MSL2: variants seen among roughly 807,000 people sequenced by gnomAD.
The protein encoded by MSL2 is MSL complex subunit 2, also known as E3 ubiquitin-protein ligase MSL2.
In MSL2, 2 loss-of-function variants were observed where a neutral mutation model predicts 35.8. The ratio of observed to expected loss-of-function variants is 0.06; its 90% CI spans 0.02 to 0.18. MSL2 has a LOEUF of 0.18. Among genes scored for constraint, MSL2 ranks in the 10% least tolerant of loss-of-function variants. The pLI, the probability that MSL2 is intolerant of heterozygous loss-of-function variation, is 1.00. For missense variants in MSL2, 523 were observed against 706.7 expected, an observed-to-expected ratio of 0.74 and a Z score of 2.95; for synonymous variants, 296 against 255.7, an observed-to-expected ratio of 1.16 and a Z score of -1.50.
intron 1 of MSL2, among the ~76,000 whole-genome samples, chr3:136,162,263 A>G (rs901719432): frequency 2.7e-4 from 40 of 149,154 alleles, no homozygotes; most frequent in African/African-American, 8.9e-4. Flanking sequence ...AAGATAAACC[A>G]TAAGGTTTTT....
At chr3:136,174,049 A>G (rs750481719) in intron 1 of MSL2, among the ~76,000 whole-genome samples, 4 of 152,154 alleles carry the variant, frequency 2.6e-5, no homozygotes, top group Non-Finnish European at 4.4e-5. Context: ...AACCTCCCTC[A>G]ATCTGTTGAA....
chr3:136,178,410 C>T (rs570033154), intron 1 of MSL2, among the ~76,000 whole-genome samples: 1 of 152,048 alleles, frequency 6.6e-6, no homozygotes. Flanking sequence ...TGGTGTTGCA[C>T]GGAACCAGGT....
chr3:136,187,080 C>A (rs1940546294), intron 1 of MSL2, among the ~76,000 whole-genome samples: 1 of 152,186 alleles, frequency 6.6e-6, no homozygotes, highest in South Asian at 2.1e-4. Context: ...AAATGCAGAA[C>A]CCACAGATAC....
chr3:136,152,911 T>C (rs554381086), intron 1 of MSL2, 173 bp from the exon 2 acceptor site: 2 of 985,462 alleles, frequency 2.0e-6, no homozygotes, highest in East Asian at 1.1e-4. Context: ...ATTAGCTCGC[T>C]TGATTTCATG....
At chr3:136,171,128 A>C (rs1046372943) in intron 1 of MSL2, among the ~76,000 whole-genome samples, 1 of 152,228 alleles carries the variant, frequency 6.6e-6, no homozygotes, top group Non-Finnish European at 1.5e-5. Flanking sequence ...TGAGAAAATG[A>C]GACATGTTAA....
At chr3:136,168,262 A>C (rs1174803472) in intron 1 of MSL2, among the ~76,000 whole-genome samples, 1 of 152,228 alleles carries the variant, frequency 6.6e-6, no homozygotes, top group Non-Finnish European at 1.5e-5. Flanking sequence ...AAAGAATTAA[A>C]AATGACAAAA....
chr3:136,178,572 G>GC (rs1340370037), intron 1 of MSL2, among the ~76,000 whole-genome samples: 2 of 141,832 alleles, frequency 1.4e-5, no homozygotes, highest in African/African-American at 5.3e-5. Context: ...TCACTCTGTC[G>GC]CCCAGGCTGG....
chr3:136,195,994 C>G lies in MSL2; in HGVS notation c.-881G>C, dbSNP rs964749572. The G allele has an allele frequency of 8.1e-5, 16 of 196,800 alleles. No homozygotes were observed. Among genetic ancestry groups the G allele is most frequent in the Non-Finnish European group, 1.3e-4 (14 of 109,168 alleles). The allele number at this position is 196,800 out of a possible 1,614,324, so 12.2% of individuals were successfully genotyped here. ...CCGGCCATTTTTTCGGCGCCACACA[C>G]ACAGACGACTCCTCCGCCGAGCACG... On this transcript the variant is annotated 5_prime_UTR_variant, in exon 1 of 2. Coordinates refer to ENST00000309993, the MANE Select transcript of MSL2 (RefSeq NM_018133.4).
chr3:136,152,150 G>A lies in MSL2; in HGVS notation c.731C>T (p.Thr244Ile). ...SLPPVCDTVA[T>I]DLCSTGIDIC... ...ATCAATGCCTGTGGAACATAAGTCA[G>A]TGGCTACTGTGTCACAAACGGGTGG... Residue 244 changes from threonine to isoleucine, a missense_variant, in exon 2 of 2, where the codon ACT (threonine) becomes ATT (isoleucine). Thr to Ile is a moderately conservative substitution (Grantham distance 89). Around this residue, in one of 5 missense-constraint regions of MSL2, gnomAD observed 361 missense variants for 414.6 expected, o/e 0.87. Transcript: ENST00000309993. The A allele has an allele frequency of 6.2e-7, 1 of 1,614,192 alleles. No individual in the cohort carries two copies. The highest frequency in any genetic ancestry group is 8.5e-7 in the Non-Finnish European group (1 of 1,180,030).
intron 1 of MSL2, among the ~76,000 whole-genome samples, chr3:136,192,436 C>T (rs957321790): frequency 1.3e-5 from 2 of 152,150 alleles, no homozygotes; most frequent in African/African-American, 4.8e-5. Context: ...ACCTTGGCCT[C>T]CCAAAGTGCT....
At chr3:136,172,783 A>G (rs966666711) in intron 1 of MSL2, among the ~76,000 whole-genome samples, 2 of 152,208 alleles carry the variant, frequency 1.3e-5, no homozygotes, top group African/African-American at 4.8e-5. Flanking sequence ...TAATAAAAAA[A>G]AAAGTACAAA....
chr3:136,165,067 G>GT (rs1939806550), intron 1 of MSL2, among the ~76,000 whole-genome samples: 1 of 151,996 alleles, frequency 6.6e-6, no homozygotes, highest in Admixed American at 6.6e-5. Context: ...TAGAGACGGG[G>GT]TTTCACCATG....
chr3:136,165,646 C>T (rs148427881), intron 1 of MSL2, among the ~76,000 whole-genome samples: 5 of 152,274 alleles, frequency 3.3e-5, no homozygotes, highest in Admixed American at 3.3e-4. Context: ...AAGTAACCTC[C>T]ATATACTCAT....
chr3:136,178,891 C>T (rs1356584996), intron 1 of MSL2, among the ~76,000 whole-genome samples: 2 of 151,862 alleles, frequency 1.3e-5, no homozygotes, highest in African/African-American at 4.8e-5. Flanking sequence ...AGCACTACTA[C>T]CATCAAACGG....
intron 1 of MSL2, among the ~76,000 whole-genome samples, chr3:136,184,409 T>C (rs1390517458): frequency 1.3e-5 from 2 of 151,788 alleles, no homozygotes; most frequent in Non-Finnish European, 2.9e-5. Context: ...AAGACCAGCC[T>C]GGCCAACATG....
chr3:136,194,496 C>T (rs1287376322), intron 1 of MSL2: 3 of 981,220 alleles, frequency 3.1e-6, no homozygotes, highest in Non-Finnish European at 3.6e-6. Context: ...AGTTCCGCGC[C>T]GGGTTCTCCA....
chr3:136,183,041 G>A (rs980770368), intron 1 of MSL2, among the ~76,000 whole-genome samples: 2 of 152,132 alleles, frequency 1.3e-5, no homozygotes, highest in African/African-American at 4.8e-5. Flanking sequence ...CAGTCTCCAA[G>A]TAACTTAGCC....
intron 1 of MSL2, among the ~76,000 whole-genome samples, chr3:136,189,914 G>GT (rs1047686999): frequency 1.3e-5 from 2 of 151,892 alleles, no homozygotes; most frequent in Non-Finnish European, 2.9e-5. Flanking sequence ...ATGTTAATTG[G>GT]TAAGTTTTCT....
chr3:136,170,808 A>G (rs1469419996), intron 1 of MSL2, among the ~76,000 whole-genome samples: 4 of 152,078 alleles, frequency 2.6e-5, no homozygotes, highest in Non-Finnish European at 2.9e-5. Context: ...CAGCCTGTCC[A>G]TATTTTTAAA....
Sources: allele counts gnomAD v4.1 joint callset (sites outside exome capture counted in the v4.1 genomes callset), GRCh38; gene constraint gnomAD v4.1.1; regional missense constraint gnomAD v4.1.1; transcripts MANE v1.5; gene names NCBI Gene and HGNC (gene_info 2026-07-23, HGNC 2026-07-21).